The following GREB1L variants were observed in gnomAD, a reference collection of about 807,000 sequenced individuals.
GREB1L encodes GREB1 like retinoic acid receptor coactivator, also known as GREB1-like protein.
Under a neutral mutation model 200.8 loss-of-function variants are expected in GREB1L, and 17 were observed. That is an observed-to-expected ratio of 0.08 (90% CI 0.06 to 0.13). The LOEUF is 0.13. Ranked by LOEUF, GREB1L falls within the 10% of genes least tolerant of loss-of-function variation. GREB1L has a pLI of 1.00. For synonymous variants in GREB1L, 789 were observed against 893.0 expected (o/e 0.88, Z 2.08); for missense variants, 1,657 against 2,367.7 (o/e 0.70, Z 6.23).
intron 7 of GREB1L, among the ~76,000 whole-genome samples, chr18:21,413,560 C>T (rs749648322): frequency 4.5e-4 from 68 of 152,242 alleles, no homozygotes; most frequent in Non-Finnish European, 7.1e-4. Flanking sequence ...ACTGAGAACA[C>T]GCGGGGTTTT....
chr18:21,328,560 C>T (rs1157058553), intron 1 of GREB1L, among the ~76,000 whole-genome samples: 3 of 152,188 alleles, frequency 2.0e-5, no homozygotes, highest in African/African-American at 7.2e-5. Context: ...TGCCTAACTT[C>T]TTCATTCTAT....
At chr18:21,423,106 T>G (rs2144904886) in intron 7 of GREB1L, among the ~76,000 whole-genome samples, 1 of 152,270 alleles carries the variant, frequency 6.6e-6, no homozygotes, top group South Asian at 2.1e-4. Context: ...AATTTTTGTA[T>G]TTTTAGTAGA....
intron 1 of GREB1L, among the ~76,000 whole-genome samples, chr18:21,253,477 C>G (rs1223493431): frequency 2.0e-5 from 3 of 152,100 alleles, no homozygotes; most frequent in African/African-American, 7.2e-5. Flanking sequence ...CCTCGAACTC[C>G]TGACCTCAGG....
intron 11 of GREB1L, among the ~76,000 whole-genome samples, chr18:21,447,132 A>G (rs150186812): frequency 3.7e-4 from 56 of 152,246 alleles, no homozygotes; most frequent in East Asian, 2.3e-3. Flanking sequence ...AAGGCTGAGG[A>G]TGAGGTACTG....
chr18:21,429,532 A>AT (rs2032980447), intron 7 of GREB1L, among the ~76,000 whole-genome samples: 1 of 151,644 alleles, frequency 6.6e-6, no homozygotes, highest in Non-Finnish European at 1.5e-5. Context: ...TCTGGGTAAT[A>AT]TTGGCCTTAA....
rs2033625131 is a variant in GREB1L, at chr18:21,437,553, G to A, written c.833-1968G>A. ...CCTGATGGAAGTACTGTATACCACA[G>A]TACTTATAACTCTTGCCAAAAAAAA... On this transcript the variant is annotated intron_variant, in intron 7 of 32. Transcript: ENST00000424526. 2.6e-5 allele frequency among the ~76,000 whole-genome samples: 4 copies of A among 151,146 alleles called. No homozygotes were observed. The South Asian group carries it at 6.3e-4, about 24-fold the overall frequency.
At chr18:21,356,213 C>T (rs1050292998) in intron 1 of GREB1L, among the ~76,000 whole-genome samples, 17 of 151,464 alleles carry the variant, frequency 1.1e-4, no homozygotes, top group Non-Finnish European at 2.1e-4. Context: ...GAACTCCTGA[C>T]CTCAGGTGAG....
chr18:21,345,074 C>A (rs2039325322), intron 1 of GREB1L, among the ~76,000 whole-genome samples: 1 of 152,172 alleles, frequency 6.6e-6, no homozygotes, highest in East Asian at 1.9e-4. Context: ...CCTGAAGAGT[C>A]CCATTAATTG....
intron 2 of GREB1L, among the ~76,000 whole-genome samples, chr18:21,376,508 T>C (rs991472058): frequency 7.3e-5 from 11 of 150,238 alleles, no homozygotes; most frequent in Non-Finnish European, 1.5e-4. Context: ...GACATAATTA[T>C]GAAAAAATAG....
chr18:21,497,599 G>T (rs1367655562), intron 21 of GREB1L, among the ~76,000 whole-genome samples: 1 of 150,656 alleles, frequency 6.6e-6, no homozygotes, highest in African/African-American at 2.4e-5. Context: ...AGCCAAGATC[G>T]CACCACTGCA....
intron 1 of GREB1L, among the ~76,000 whole-genome samples, chr18:21,277,998 A>C (rs1252714867): frequency 6.6e-6 from 1 of 152,172 alleles, no homozygotes; most frequent in East Asian, 1.9e-4. Context: ...ACAAAAACTC[A>C]TGAGGCCTGT....
chr18:21,343,660 C>T (rs1169171980), intron 1 of GREB1L, among the ~76,000 whole-genome samples: 1 of 151,968 alleles, frequency 6.6e-6, no homozygotes, highest in South Asian at 2.1e-4. Flanking sequence ...ACAAAATGGC[C>T]GCATACCAGG....
intron 3 of GREB1L, 80 bp from the exon 4 acceptor site, chr18:21,384,126 T>C (rs1598732333): frequency 2.0e-6 from 2 of 1,007,474 alleles, no homozygotes; most frequent in South Asian, 3.1e-5. Context: ...CCTTTTTTCT[T>C]CAATTATGTC....
At chr18:21,461,719 G>C (rs1027157040) in intron 15 of GREB1L, among the ~76,000 whole-genome samples, 30 of 152,160 alleles carry the variant, frequency 2.0e-4, no homozygotes, top group Admixed American at 2.0e-3. Context: ...GTGTGTTGTA[G>C]TTGCATGTTT....
At chr18:21,311,810 C>G (rs547153459) in intron 1 of GREB1L, among the ~76,000 whole-genome samples, 2 of 152,126 alleles carry the variant, frequency 1.3e-5, no homozygotes, top group South Asian at 4.2e-4. Context: ...TCTGGCCACT[C>G]TCAATGGCAG....
chr18:21,402,416 T>C (rs2041353777), intron 6 of GREB1L, among the ~76,000 whole-genome samples: 1 of 151,764 alleles, frequency 6.6e-6, no homozygotes, highest in African/African-American at 2.4e-5. Flanking sequence ...TCTTTTCATT[T>C]ATCTTTTTTT....
chr18:21,264,722 C>T lies in GREB1L; in HGVS notation c.-120+22329C>T, dbSNP rs1158694546. Among the ~76,000 whole-genome samples the T allele has an allele frequency of 2.7e-5, 4 of 146,166 alleles. No homozygotes were observed. In the East Asian group the frequency reaches 8.6e-4, roughly 31 times the overall value. On this transcript the variant is annotated intron_variant, in intron 1 of 32. Transcript: ENST00000424526. ...GCCCCACGCCCCCCAACCTCTGACT[C>T]TCCTTCAAATCTCACTGAGGAATTA...
At chr18:21,374,830 G>C (rs1309755204) in intron 2 of GREB1L, among the ~76,000 whole-genome samples, 2 of 150,718 alleles carry the variant, frequency 1.3e-5, no homozygotes, top group Non-Finnish European at 2.9e-5. Context: ...TTAATCAAAA[G>C]GGGAACTTTT....
At chr18:21,486,557 T>G (rs1243361372) in intron 18 of GREB1L, among the ~76,000 whole-genome samples, 1 of 152,088 alleles carries the variant, frequency 6.6e-6, no homozygotes, top group East Asian at 1.9e-4. Context: ...TTGAGGTGAA[T>G]TCAGTTCTTG....
Sources: gnomAD v4.1 joint callset for allele counts (sites outside exome capture counted in the v4.1 genomes callset) on GRCh38, gnomAD v4.1.1 for gene constraint, MANE v1.5 for transcripts, NCBI Gene and HGNC (gene_info 2026-07-23, HGNC 2026-07-21) for gene names.